SRGAP3: variants seen among roughly 807,000 people sequenced by gnomAD.
SRGAP3 encodes SLIT-ROBO Rho GTPase-activating protein 3.
Under a neutral mutation model 121.1 loss-of-function variants are expected in SRGAP3, and 39 were observed. That is an observed-to-expected ratio of 0.32 (90% CI 0.25 to 0.42). The LOEUF (loss-of-function observed/expected upper bound fraction) is 0.42. Ranked by LOEUF, SRGAP3 falls within the 10% of genes least tolerant of loss-of-function variation. The pLI is 1.00. For synonymous variants in SRGAP3, 601 were observed against 570.0 expected, an observed-to-expected ratio of 1.05 and a Z score of -0.77; for missense variants, 1,213 against 1,470.6, an observed-to-expected ratio of 0.82 and a Z score of 2.86.
intron 17 of SRGAP3, among the ~76,000 whole-genome samples, chr3:9,012,888 T>C (rs1032174468): frequency 2.0e-5 from 3 of 152,080 alleles, no homozygotes; most frequent in Non-Finnish European, 2.9e-5. Flanking sequence ...GAGTTACAGA[T>C]CTTGAGTTGC....
chr3:9,123,938 G>T (rs893116662), intron 2 of SRGAP3, among the ~76,000 whole-genome samples: 2 of 151,968 alleles, frequency 1.3e-5, no homozygotes, highest in Non-Finnish European at 2.9e-5. Flanking sequence ...AGTCCAGGAA[G>T]CATGGCTGAA....
Position 9,249,176 on chromosome 3 carries a change from G to A in SRGAP3, c.-225C>T. The A allele has an allele frequency of 1.7e-6, 1 of 591,490 alleles. No homozygotes were observed. The highest frequency in any genetic ancestry group is 2.8e-5 in the East Asian group (1 of 35,290). 36.6% of individuals were successfully genotyped at this position (591,490 alleles called of 1,614,324 possible). A position where few individuals can be genotyped will look rare whatever the true frequency, so the allele number is the denominator to read the frequency against. ...TGGCTCTAGTAGCTTGCCCTGGTCAGCTCCTCTTGCAAAAGAAGAATCACC... is the reference window on the plus strand; with the variant it reads ...TGGCTCTAGTAGCTTGCCCTGGTCAACTCCTCTTGCAAAAGAAGAATCACC... On this transcript the variant is annotated 5_prime_UTR_variant, in exon 1 of 22. Transcript: ENST00000383836.
chr3:9,138,226 T>C (rs970086390), intron 1 of SRGAP3, among the ~76,000 whole-genome samples: 19 of 152,240 alleles, frequency 1.2e-4, no homozygotes, highest in African/African-American at 4.6e-4. Flanking sequence ...AATATATTTC[T>C]TTAAATCATC....
chr3:9,086,660 ATAT>A (rs1050920710), intron 3 of SRGAP3, among the ~76,000 whole-genome samples: 60 of 139,902 alleles, frequency 4.3e-4, no homozygotes, highest in African/African-American at 1.3e-3. Context: ...TATGAAATAC[ATAT>A]TATATGTATC....
At chr3:9,183,471 T>C (rs905882325) in intron 1 of SRGAP3, among the ~76,000 whole-genome samples, 12 of 152,222 alleles carry the variant, frequency 7.9e-5, no homozygotes, top group African/African-American at 1.4e-4. Context: ...CTAGTCATTA[T>C]AATTGCATAT....
chr3:9,153,493 A>G (rs1056668051), intron 1 of SRGAP3, among the ~76,000 whole-genome samples: 1 of 152,172 alleles, frequency 6.6e-6, no homozygotes, highest in African/African-American at 2.4e-5. Context: ...ATCTCCTCCA[A>G]CAAGGACACT....
intron 1 of SRGAP3, among the ~76,000 whole-genome samples, chr3:9,149,860 C>G (rs1950155700): frequency 6.6e-6 from 1 of 152,180 alleles, no homozygotes. Context: ...CAGGCTCAAA[C>G]CACCTAGCAC....
intron 18 of SRGAP3, among the ~76,000 whole-genome samples, chr3:8,997,391 G>T (rs1453520660): frequency 6.6e-6 from 1 of 152,126 alleles, no homozygotes; most frequent in Non-Finnish European, 1.5e-5. Context: ...TTCCATACTT[G>T]CTTAGGTAGA....
At chr3:9,187,923 C>A (rs1432922707) in intron 1 of SRGAP3, among the ~76,000 whole-genome samples, 1 of 152,206 alleles carries the variant, frequency 6.6e-6, no homozygotes, top group Non-Finnish European at 1.5e-5. Flanking sequence ...ACAAATCCCC[C>A]AAACTCATTT....
chr3:9,281,676 T>C (rs1954682595), intron 3 of SRGAP3, among the ~76,000 whole-genome samples: 2 of 152,126 alleles, frequency 1.3e-5, no homozygotes, highest in African/African-American at 4.8e-5. Context: ...CTTTTGTTTG[T>C]TTGTTTGTTT....
At chr3:9,229,295 G>A (rs2125216627) in intron 1 of SRGAP3, among the ~76,000 whole-genome samples, 1 of 152,210 alleles carries the variant, frequency 6.6e-6, no homozygotes, top group African/African-American at 2.4e-5. Flanking sequence ...CTGTGGCTAG[G>A]TAGGCCTGGT....
At chr3:9,192,083 G>C (rs1407534363) in intron 1 of SRGAP3, among the ~76,000 whole-genome samples, 1 of 152,166 alleles carries the variant, frequency 6.6e-6, no homozygotes, top group Non-Finnish European at 1.5e-5. Flanking sequence ...TTATAGCAAT[G>C]CAAGAATGGC....
intron 2 of SRGAP3, among the ~76,000 whole-genome samples, chr3:9,118,698 C>T (rs1219038881): frequency 6.6e-6 from 1 of 152,124 alleles, no homozygotes; most frequent in Admixed American, 6.5e-5. Flanking sequence ...CAGGCCCCCC[C>T]CCCAAGAAGT....
intron 3 of SRGAP3, among the ~76,000 whole-genome samples, chr3:9,278,513 C>A (rs994076587): frequency 1.3e-5 from 2 of 152,186 alleles, no homozygotes; most frequent in Non-Finnish European, 2.9e-5. Flanking sequence ...ATAATAATAA[C>A]AGCCCTGTGC....
chr3:9,243,746 G>A (rs2125240809), intron 1 of SRGAP3, among the ~76,000 whole-genome samples: 1 of 152,190 alleles, frequency 6.6e-6, no homozygotes, highest in South Asian at 2.1e-4. Context: ...AGGAAAATTG[G>A]CTGAGGCCCC....
chr3:9,356,210 T>G (rs13061917), intron 1 of SRGAP3, among the ~76,000 whole-genome samples: 24,290 of 138,242 alleles, frequency 0.18, 2,151 homozygotes, highest in African/African-American at 0.24. Flanking sequence ...TTTTTTTTTT[T>G]TGAGACAGGA....
intron 17 of SRGAP3, 134 bp downstream of exon 17, chr3:9,013,174 G>A: frequency 1.2e-6 from 1 of 856,094 alleles, no homozygotes; most frequent in Non-Finnish European, 1.9e-6. Context: ...AAGCTGCTGT[G>A]AAGCTCAGAT....
rs115363466 is a variant in SRGAP3 at position 9,079,484 on chromosome 3, C to T, written c.486+541G>A. ...ACTCCAAGCAGGTAACAAAGTCAGC[C>T]GTGGACCACACTGTGATGTTATGAA... is the stretch of plus-strand genomic sequence containing the variant. On this transcript the variant is annotated intron_variant, in intron 4 of 21. Coordinates refer to ENST00000383836, the MANE Select transcript of SRGAP3 (RefSeq NM_014850.4). Among the ~76,000 whole-genome samples the T allele has an allele frequency of 4.1e-4, 62 of 152,324 alleles. 1 individual carries two copies. The highest frequency in any genetic ancestry group is 1.4e-3 in the African/African-American group (60 of 41,568).
chr3:9,166,915 T>C (rs966249465), intron 1 of SRGAP3, among the ~76,000 whole-genome samples: 2 of 152,186 alleles, frequency 1.3e-5, no homozygotes, highest in Non-Finnish European at 2.9e-5. Flanking sequence ...GGCCCCACCC[T>C]GACCTTGTCA....
Sources: gnomAD v4.1 joint callset for allele counts (sites outside exome capture counted in the v4.1 genomes callset) on GRCh38, gnomAD v4.1.1 for gene constraint, MANE v1.5 for transcripts, NCBI Gene and HGNC (gene_info 2026-07-23, HGNC 2026-07-21) for gene names.